Variants in PRKN observed in about 807,000 individuals in gnomAD.
PRKN encodes parkin RBR E3 ubiquitin protein ligase.
In PRKN, 56 loss-of-function variants were observed where a neutral mutation model predicts 59.5. The observed-to-expected ratio is 0.94, with a 90% CI of 0.76 to 1.18. PRKN has a LOEUF of 1.18. Among genes scored for constraint, PRKN ranks in the 50% most tolerant of loss-of-function variants. The probability of loss-of-function intolerance (pLI) is 0.00; values close to 1 mark genes in which losing one functional copy is unlikely to be tolerated. For synonymous variants in PRKN, 250 were observed against 222.1 expected (o/e 1.13, Z -1.12); for missense variants, 657 against 596.4 (o/e 1.10, Z -1.06).
chr6:162,495,400 A>C (rs563617700), intron 1 of PRKN, among the ~76,000 whole-genome samples: 1 of 152,230 alleles, frequency 6.6e-6, no homozygotes, highest in Non-Finnish European at 1.5e-5. Context: ...ATATTTTGAA[A>C]TGGTATTAAG....
intron 4 of PRKN, among the ~76,000 whole-genome samples, chr6:162,062,519 A>T (rs4582353): frequency 0.84 from 127,216 of 152,024 alleles, 53,530 homozygotes; most frequent in African/African-American, 0.92. Flanking sequence ...TTGACAGAGG[A>T]AATTAAGTTA....
chr6:162,436,586 G>C (rs1247624089), intron 2 of PRKN, among the ~76,000 whole-genome samples: 1 of 150,322 alleles, frequency 6.7e-6, no homozygotes, highest in African/African-American at 2.5e-5. Context: ...CTGGGATTAC[G>C]GGCATGAGCC....
At chr6:162,080,181 T>C (rs147762796) in intron 4 of PRKN, among the ~76,000 whole-genome samples, 2,145 of 152,120 alleles carry the variant, frequency 0.014, 35 homozygotes, top group South Asian at 0.022. Context: ...AATAGAAAAA[T>C]ACAGAATTTA....
chr6:162,638,270 C>G (rs10945854), intron 1 of PRKN, among the ~76,000 whole-genome samples: 1 of 150,438 alleles, frequency 6.6e-6, no homozygotes, highest in Non-Finnish European at 1.5e-5. Flanking sequence ...GTTTTCTTGA[C>G]GTACAGAATT....
intron 6 of PRKN, among the ~76,000 whole-genome samples, chr6:161,955,376 A>G (rs746493626): frequency 2.0e-5 from 3 of 152,220 alleles, no homozygotes; most frequent in Non-Finnish European, 4.4e-5. Context: ...GTATTATTAT[A>G]TCTAGATTCT....
intron 8 of PRKN, among the ~76,000 whole-genome samples, chr6:161,557,142 C>T (rs191414316): frequency 6.6e-6 from 1 of 152,254 alleles, no homozygotes; most frequent in East Asian, 1.9e-4. Context: ...GCAAAAAATA[C>T]ATTTCATTAG....
chr6:162,284,025 A>C (rs1781051980), intron 2 of PRKN, among the ~76,000 whole-genome samples: 1 of 152,138 alleles, frequency 6.6e-6, no homozygotes, highest in African/African-American at 2.4e-5. Context: ...AAAGTAAATA[A>C]AATAAAATCA....
chr6:161,995,264 T>C (rs1229311945), intron 5 of PRKN, among the ~76,000 whole-genome samples: 1 of 152,074 alleles, frequency 6.6e-6, no homozygotes, highest in Admixed American at 6.6e-5. Flanking sequence ...TCTCACTATA[T>C]GCAAAAATCA....
chr6:162,340,622 C>T (rs920480829), intron 2 of PRKN, among the ~76,000 whole-genome samples: 1 of 152,140 alleles, frequency 6.6e-6, no homozygotes, highest in African/African-American at 2.4e-5. Flanking sequence ...AGAAATAACA[C>T]CACGCATCTA....
At chr6:161,733,797 T>TATATATATATAC (rs58765166) in intron 7 of PRKN, among the ~76,000 whole-genome samples, 2,127 of 81,342 alleles carry the variant, frequency 0.026, 94 homozygotes, top group African/African-American at 0.084. Context: ...TATATATATA[T>TATATATATATAC]GTATATATAT....
At position 162,467,327 on chromosome 6, in the gene PRKN, C is replaced by T. The variant is rs180875086; in HGVS notation, c.8-23854G>A. Among the ~76,000 whole-genome samples, 4 of 152,208 alleles carry T rather than the reference C, an allele frequency of 2.6e-5. No homozygotes were observed. The East Asian group carries it at 5.8e-4, about 22-fold the overall frequency. ...TAAATAAGAATGAATGTGTAGTATA[C>T]CACATGGATGAAGTATGGGAGGTAT... is the stretch of plus-strand genomic sequence containing the variant. On this transcript the variant is annotated intron_variant, in intron 1 of 11. Coordinates refer to ENST00000366898, the MANE Select transcript of PRKN (RefSeq NM_004562.3).
intron 1 of PRKN, among the ~76,000 whole-genome samples, chr6:162,549,173 C>A (rs7758578): frequency 6.6e-6 from 1 of 152,060 alleles, no homozygotes; most frequent in Non-Finnish European, 1.5e-5. Context: ...TGTGAGGACA[C>A]CCCCAGAAGA....
intron 4 of PRKN, among the ~76,000 whole-genome samples, chr6:162,110,323 A>G (rs1562519311): frequency 1.3e-5 from 2 of 152,176 alleles, no homozygotes; most frequent in Admixed American, 6.5e-5. Context: ...AAACATTGGT[A>G]GCAACGTTTA....
At chr6:162,523,982 G>A (rs1299959355) in intron 1 of PRKN, among the ~76,000 whole-genome samples, 1 of 152,064 alleles carries the variant, frequency 6.6e-6, no homozygotes, top group African/African-American at 2.4e-5. Context: ...TCCAGAATAC[G>A]GGCTTTGCTG....
chr6:161,995,669 C>T (rs923025768), intron 5 of PRKN, among the ~76,000 whole-genome samples: 2 of 152,028 alleles, frequency 1.3e-5, no homozygotes, highest in Non-Finnish European at 2.9e-5. Context: ...TTAAATATTA[C>T]TAATCATCAA....
intron 6 of PRKN, among the ~76,000 whole-genome samples, chr6:161,811,183 T>C (rs949096444): frequency 1.3e-5 from 2 of 152,182 alleles, no homozygotes; most frequent in African/African-American, 4.8e-5. Flanking sequence ...ACTTCCTGAT[T>C]TCAGGACTTG....
At chr6:162,435,060 C>A (rs1377235184) in intron 2 of PRKN, among the ~76,000 whole-genome samples, 1 of 152,120 alleles carries the variant, frequency 6.6e-6, no homozygotes, top group Non-Finnish European at 1.5e-5. Flanking sequence ...GAATCTTAGT[C>A]CAATAATGGA....
Position 162,609,503 on chromosome 6 carries a change from T to C in PRKN, c.7+118159A>G, listed in dbSNP as rs114205777. Reference sequence around the variant, plus strand: ...GATGCTAAATTTACTCCTATAGTTATGATTCTTCATTGTCCTGAAAGTCAA... The same window carrying C: ...GATGCTAAATTTACTCCTATAGTTACGATTCTTCATTGTCCTGAAAGTCAA... On this transcript the variant is annotated intron_variant, in intron 1 of 11. Transcript: ENST00000366898. 4.4e-3 allele frequency among the ~76,000 whole-genome samples: 671 copies of C among 152,354 alleles called. 3 individuals carry two copies. Among genetic ancestry groups the C allele is most frequent in the African/African-American group, 0.015 (639 of 41,584 alleles).
At chr6:162,593,461 A>G (rs1185988298) in intron 1 of PRKN, among the ~76,000 whole-genome samples, 1 of 152,206 alleles carries the variant, frequency 6.6e-6, no homozygotes, top group Non-Finnish European at 1.5e-5. Flanking sequence ...AACTTTATTT[A>G]TATATTCCTC....
Sources: allele counts gnomAD v4.1 joint callset (sites outside exome capture counted in the v4.1 genomes callset), GRCh38; gene constraint gnomAD v4.1.1; transcripts MANE v1.5; gene names NCBI Gene and HGNC (gene_info 2026-07-23, HGNC 2026-07-21).